Variants in CDKAL1 observed in about 807,000 individuals in gnomAD.
The protein encoded by CDKAL1 is threonylcarbamoyladenosine tRNA methylthiotransferase.
A neutral mutation model predicts 68.2 loss-of-function variants in CDKAL1; 32 were observed. That is an observed-to-expected ratio of 0.47 (90% CI 0.35 to 0.63). The LOEUF (loss-of-function observed/expected upper bound fraction) is 0.63. Among genes scored for constraint, CDKAL1 ranks in the 30% least tolerant of loss-of-function variants. The pLI, the probability that CDKAL1 is intolerant of heterozygous loss-of-function variation, is 0.00. For synonymous variants in CDKAL1, 234 were observed against 244.3 expected, an observed-to-expected ratio of 0.96 and a Z score of 0.39; for missense variants, 606 against 696.7, an observed-to-expected ratio of 0.87 and a Z score of 1.47.
intron 11 of CDKAL1, among the ~76,000 whole-genome samples, chr6:21,016,606 T>TTCCATTCA (rs1394158035): frequency 2.5e-4 from 36 of 144,932 alleles, no homozygotes; most frequent in African/African-American, 7.8e-4. Flanking sequence ...TCCCCACGCC[T>TTCCATTCA]TCCATTCATC....
intron 4 of CDKAL1, 138 bp downstream of exon 4, chr6:20,548,843 A>G: frequency 1.9e-6 from 1 of 528,472 alleles, no homozygotes; most frequent in Non-Finnish European, 3.4e-6. Context: ...CACATTTTGT[A>G]GATAACCATG....
intron 13 of CDKAL1, among the ~76,000 whole-genome samples, chr6:21,123,151 G>A (rs891833224): frequency 1.3e-5 from 2 of 152,040 alleles, no homozygotes; most frequent in Admixed American, 1.3e-4. Flanking sequence ...CCTTATAAGT[G>A]TCTTTAAAAC....
intron 10 of CDKAL1, among the ~76,000 whole-genome samples, chr6:20,988,182 A>ATGTGTGTGTGTGTGTGTGTGTGTGTGTG (rs58720900): frequency 7.3e-6 from 1 of 137,388 alleles, no homozygotes; most frequent in East Asian, 2.2e-4. Flanking sequence ...GAAACATAAT[A>ATGTGTGTGTGTGTGTGTGTGTGTGTGTG]TGTGTGTGTG....
intron 13 of CDKAL1, among the ~76,000 whole-genome samples, chr6:21,160,366 C>T (rs1422615203): frequency 1.3e-5 from 2 of 151,536 alleles, no homozygotes; most frequent in Admixed American, 6.6e-5. Context: ...GGCGCAATCT[C>T]GGCTCACTGC....
At chr6:20,611,523 G>C (rs527962751) in intron 4 of CDKAL1, among the ~76,000 whole-genome samples, 1 of 152,284 alleles carries the variant, frequency 6.6e-6, no homozygotes, top group South Asian at 2.1e-4. Flanking sequence ...ATGTATTTCA[G>C]TTTAAAATTA....
chr6:21,078,474 C>A (rs1772198533), intron 12 of CDKAL1, among the ~76,000 whole-genome samples: 1 of 152,210 alleles, frequency 6.6e-6, no homozygotes, highest in African/African-American at 2.4e-5. Flanking sequence ...TTCATTCTCA[C>A]AGCTCTCTGC....
intron 10 of CDKAL1, among the ~76,000 whole-genome samples, chr6:20,969,082 G>A (rs564641825): frequency 3.3e-5 from 5 of 152,180 alleles, no homozygotes; most frequent in Admixed American, 3.3e-4. Context: ...ACAGTTTGTT[G>A]TTGTTATTTG....
chr6:20,806,454 T>G (rs1776575503), intron 8 of CDKAL1, among the ~76,000 whole-genome samples: 1 of 152,200 alleles, frequency 6.6e-6, no homozygotes, highest in African/African-American at 2.4e-5. Context: ...TGTTTCTTTA[T>G]GGTAAAACAA....
At chr6:21,065,307 C>A in intron 12 of CDKAL1, 79 bp downstream of exon 12, 1 of 1,115,200 alleles carries the variant, frequency 9.0e-7, no homozygotes, top group Non-Finnish European at 1.3e-6. Context: ...CTTCACACAA[C>A]TTGCTCATGT....
At chr6:21,120,508 T>C (rs528954740) in intron 13 of CDKAL1, among the ~76,000 whole-genome samples, 2 of 152,338 alleles carry the variant, frequency 1.3e-5, no homozygotes, top group Non-Finnish European at 2.9e-5. Context: ...CTTAATACCC[T>C]ATTCAAGGAA....
At chr6:21,006,023 G>A (rs1462708142) in intron 11 of CDKAL1, among the ~76,000 whole-genome samples, 1 of 152,104 alleles carries the variant, frequency 6.6e-6, no homozygotes, top group Non-Finnish European at 1.5e-5. Flanking sequence ...GCAGGATGAT[G>A]ACTGTGAGTG....
chr6:20,869,585 G>C (rs7770607), intron 9 of CDKAL1, among the ~76,000 whole-genome samples: 145,934 of 152,252 alleles, frequency 0.96, 69,953 homozygotes, highest in East Asian at 1. Context: ...TGAATGCACA[G>C]TTAAGAATGG....
intron 9 of CDKAL1, among the ~76,000 whole-genome samples, chr6:20,846,924 T>A (rs2150496000): frequency 6.6e-6 from 1 of 152,338 alleles, no homozygotes; most frequent in African/African-American, 2.4e-5. Context: ...AGATAATCTA[T>A]TGTCTCATAA....
At chr6:21,120,558 C>G (rs1456015589) in intron 13 of CDKAL1, among the ~76,000 whole-genome samples, 1 of 152,208 alleles carries the variant, frequency 6.6e-6, no homozygotes, top group Non-Finnish European at 1.5e-5. Flanking sequence ...CCCCTGTTTT[C>G]TTCTCCAGAG....
chr6:21,003,363 T>TAC (rs1561952856), intron 11 of CDKAL1, among the ~76,000 whole-genome samples: 3 of 58,818 alleles, frequency 5.1e-5, no homozygotes, highest in Non-Finnish European at 8.8e-5. Context: ...TATATATATA[T>TAC]ATATATATAC....
chr6:21,068,090 G>T (rs1329738901), intron 12 of CDKAL1, among the ~76,000 whole-genome samples: 2 of 152,098 alleles, frequency 1.3e-5, no homozygotes, highest in Non-Finnish European at 2.9e-5. Flanking sequence ...CCAATTTATA[G>T]GAGTTATTTA....
chr6:20,558,883 C>T, intron 4 of CDKAL1: 1 of 298,008 alleles, frequency 3.4e-6, no homozygotes, highest in Non-Finnish European at 6.6e-6. Flanking sequence ...CCTGCCTCGG[C>T]CTCCCAAAGT....
intron 2 of CDKAL1, among the ~76,000 whole-genome samples, chr6:20,541,014 G>A (rs1763368523): frequency 6.6e-6 from 1 of 152,166 alleles, no homozygotes; most frequent in South Asian, 2.1e-4. Context: ...GGAGACTGGA[G>A]CTAGGAGAGT....
intron 4 of CDKAL1, chr6:20,558,895 C>T (rs1764161941): frequency 3.4e-6 from 1 of 290,564 alleles, no homozygotes; most frequent in South Asian, 3.5e-5. Context: ...TCCCAAAGTG[C>T]TGGGATTACA....
Sources: gnomAD v4.1 joint callset for allele counts (sites outside exome capture counted in the v4.1 genomes callset) on GRCh38, gnomAD v4.1.1 for gene constraint, MANE v1.5 for transcripts, NCBI Gene and HGNC (gene_info 2026-07-23, HGNC 2026-07-21) for gene names.